Variants in ZFHX3 observed in about 807,000 individuals in gnomAD.
ZFHX3 encodes the protein zinc finger homeobox protein 3.
A neutral mutation model predicts 279.1 loss-of-function variants in ZFHX3; 42 were observed. The observed-to-expected ratio is 0.15, with a 90% CI of 0.12 to 0.19. The LOEUF (loss-of-function observed/expected upper bound fraction) is 0.19, where lower values mean the gene tolerates loss of function less well. Among genes scored for constraint, ZFHX3 ranks in the 10% least tolerant of loss-of-function variants. The probability of loss-of-function intolerance (pLI) is 1.00; values close to 1 mark genes in which losing one functional copy is unlikely to be tolerated. For missense variants in ZFHX3, 4,981 were observed against 4,754.0 expected (o/e 1.05, Z -1.40); for synonymous variants, 2,293 against 1,957.8 (o/e 1.17, Z -4.52).
At chr16:73,562,754 A>T (rs1055409889) in intron 2 of ZFHX3, among the ~76,000 whole-genome samples, 1 of 152,186 alleles carries the variant, frequency 6.6e-6, no homozygotes, top group East Asian at 1.9e-4. Flanking sequence ...TTGGAAATAA[A>T]AAAGAGTACA....
chr16:72,971,923 C>T (rs67202642), intron 1 of ZFHX3, among the ~76,000 whole-genome samples: 24,148 of 132,852 alleles, frequency 0.18, 2,362 homozygotes, highest in East Asian at 0.41. Flanking sequence ...TTTCACCCTG[C>T]TGCCCAGGTT....
intron 2 of ZFHX3, among the ~76,000 whole-genome samples, chr16:73,660,025 G>A (rs1207127267): frequency 6.6e-6 from 1 of 152,136 alleles, no homozygotes; most frequent in African/African-American, 2.4e-5. Flanking sequence ...TAGCACTTTA[G>A]GTGACAATGA....
chr16:72,879,097 A>G (rs910053317), intron 4 of ZFHX3, among the ~76,000 whole-genome samples: 2 of 152,204 alleles, frequency 1.3e-5, no homozygotes, highest in African/African-American at 4.8e-5. Context: ...TGGAAGCGCA[A>G]GTGAAGGACG....
intron 1 of ZFHX3, among the ~76,000 whole-genome samples, chr16:73,760,022 A>ATTTTTTT (rs1428495409): frequency 1.8e-4 from 26 of 147,182 alleles, no homozygotes; most frequent in African/African-American, 6.2e-4. Context: ...TTTTTTTAAA[A>ATTTTTTT]AAAAATTAAT....
At chr16:72,946,938 G>C (rs1960709759) in intron 3 of ZFHX3, among the ~76,000 whole-genome samples, 1 of 152,192 alleles carries the variant, frequency 6.6e-6, no homozygotes, top group African/African-American at 2.4e-5. Flanking sequence ...ATTTTTCCAT[G>C]CTGGCTCAGA....
chr16:73,423,265 C>T (rs1227622008), intron 3 of ZFHX3, among the ~76,000 whole-genome samples: 2 of 152,028 alleles, frequency 1.3e-5, no homozygotes, highest in African/African-American at 4.8e-5. Flanking sequence ...TTCAATTTTG[C>T]TGAGCATTGG....
At chr16:73,492,829 A>C (rs1380541022) in intron 2 of ZFHX3, among the ~76,000 whole-genome samples, 1 of 152,190 alleles carries the variant, frequency 6.6e-6, no homozygotes, top group Non-Finnish European at 1.5e-5. Context: ...ACCTTCAATA[A>C]ACTGCTCCTA....
upstream of ZFHX3, among the ~76,000 whole-genome samples, chr16:73,062,719 C>CA (rs34849067): frequency 2.8e-3 from 397 of 143,212 alleles, 1 homozygote; most frequent in African/African-American, 6.4e-3. Context: ...GACACAGAAG[C>CA]AAAAAAAAAA....
intron 3 of ZFHX3, among the ~76,000 whole-genome samples, chr16:73,441,905 C>G (rs1430367015): frequency 6.6e-6 from 1 of 152,204 alleles, no homozygotes; most frequent in Non-Finnish European, 1.5e-5. Flanking sequence ...AAAAGCCTCC[C>G]TGAAACGTGT....
At chr16:73,505,114 T>G (rs2019303025) in intron 2 of ZFHX3, among the ~76,000 whole-genome samples, 1 of 151,998 alleles carries the variant, frequency 6.6e-6, no homozygotes, top group South Asian at 2.1e-4. Context: ...AAATTAAGTA[T>G]CATATCTGCT....
At chr16:73,800,681 C>T (rs756178213) in intron 1 of ZFHX3, among the ~76,000 whole-genome samples, 4 of 152,106 alleles carry the variant, frequency 2.6e-5, no homozygotes, top group Non-Finnish European at 5.9e-5. Context: ...GGGGCTTTCT[C>T]AATTGGTTTC....
intron 5 of ZFHX3, among the ~76,000 whole-genome samples, chr16:73,158,145 A>T (rs1033364421): frequency 6.6e-6 from 1 of 152,214 alleles, no homozygotes; most frequent in African/African-American, 2.4e-5. Context: ...GCAGGTCTGC[A>T]TCTTTGTTCT....
chr16:73,317,845 G>T (rs116385579), intron 4 of ZFHX3, among the ~76,000 whole-genome samples: 6 of 152,176 alleles, frequency 3.9e-5, no homozygotes, highest in Non-Finnish European at 8.8e-5. Flanking sequence ...AAATAAATGG[G>T]CCCAGAGAAT....
intron 1 of ZFHX3, among the ~76,000 whole-genome samples, chr16:73,744,604 T>G (rs386153): frequency 0.072 from 11,002 of 152,226 alleles, 511 homozygotes; most frequent in African/African-American, 0.13. Context: ...TCTACTTTAT[T>G]ATGCATATCT....
chr16:73,195,919 T>C (rs1424881959), intron 5 of ZFHX3, among the ~76,000 whole-genome samples: 3 of 152,164 alleles, frequency 2.0e-5, no homozygotes, highest in African/African-American at 7.2e-5. Context: ...AGAGGAAAGA[T>C]AATGTAGCAA....
chr16:73,561,948 C>A (rs2020375684), intron 2 of ZFHX3, among the ~76,000 whole-genome samples: 1 of 152,066 alleles, frequency 6.6e-6, no homozygotes, highest in Non-Finnish European at 1.5e-5. Context: ...CTGAATGCAC[C>A]TAGGTTCCTA....
intron 2 of ZFHX3, among the ~76,000 whole-genome samples, chr16:73,471,287 T>C (rs1015731408): frequency 5.3e-5 from 8 of 152,310 alleles, no homozygotes; most frequent in Admixed American, 5.2e-4. Flanking sequence ...TGATCGACCA[T>C]AGTGATTGAC....
intron 3 of ZFHX3, among the ~76,000 whole-genome samples, chr16:72,938,918 C>A (rs1960267245): frequency 6.6e-6 from 1 of 152,200 alleles, no homozygotes; most frequent in South Asian, 2.1e-4. Context: ...AGTGAACAAC[C>A]ACGCACAAAC....
At chr16:73,194,873 G>T (rs936279539) in intron 5 of ZFHX3, among the ~76,000 whole-genome samples, 1 of 152,106 alleles carries the variant, frequency 6.6e-6, no homozygotes, top group African/African-American at 2.4e-5. Flanking sequence ...GTTAATAGTG[G>T]AAGTTTCCTT....
Sources: gnomAD v4.1 joint callset for allele counts (sites outside exome capture counted in the v4.1 genomes callset) on GRCh38, gnomAD v4.1.1 for gene constraint, MANE v1.5 for transcripts, NCBI Gene and HGNC (gene_info 2026-07-23, HGNC 2026-07-21) for gene names.